Variants in AKR1C3 observed in about 807,000 individuals in gnomAD.
The protein encoded by AKR1C3 is 3-alpha hydroxysteroid dehydrogenase, type II.
AKR1C3 carries 48 observed loss-of-function variants against 43.6 expected under a neutral mutation model. The observed-to-expected ratio is 1.10, with a 90% CI of 0.87 to 1.40. The LOEUF (loss-of-function observed/expected upper bound fraction) is 1.40, where lower values mean the gene tolerates loss of function less well. Ranked by LOEUF, AKR1C3 falls within the 40% of genes most tolerant of loss-of-function variation. The pLI, the probability that AKR1C3 is intolerant of heterozygous loss-of-function variation, is 0.00. For missense variants in AKR1C3, 482 were observed against 391.2 expected, an observed-to-expected ratio of 1.23 and a Z score of -1.96; for synonymous variants, 162 against 139.6, an observed-to-expected ratio of 1.16 and a Z score of -1.13.
At chr10:5,059,746 C>T (rs992436006) in intron 1 of AKR1C3, among the ~76,000 whole-genome samples, 1 of 152,062 alleles carries the variant, frequency 6.6e-6, no homozygotes, top group Admixed American at 6.6e-5. Context: ...TGGCGATAGG[C>T]GATAGTCTCG....
At chr10:5,102,249 T>G in intron 6 of AKR1C3, 39 bp downstream of exon 6, 1 of 1,596,270 alleles carries the variant, frequency 6.3e-7, no homozygotes, top group Non-Finnish European at 8.6e-7. Context: ...AACCTTCATT[T>G]TGCAGAAAAT....
intron 1 of AKR1C3, among the ~76,000 whole-genome samples, chr10:5,073,844 TTGAAGG>T: frequency 1.3e-5 from 2 of 152,274 alleles, no homozygotes; most frequent in Middle Eastern, 3.4e-3. Flanking sequence ...CTTGTCTTGG[TTGAAGG>T]CAGAGTTGAG....
chr10:5,063,764 G>GAAAAAAAAAAAAAAAA lies in AKR1C3; in HGVS notation c.84+14869_84+14870insAAAAAAAAAAAAAAAA, dbSNP rs1406943359. 3.0e-4 allele frequency among the ~76,000 whole-genome samples: 10 copies of GAAAAAAAAAAAAAAAA among 33,430 alleles called. 1 individual carries two copies. Among genetic ancestry groups the GAAAAAAAAAAAAAAAA allele is most frequent in the East Asian group, 1.4e-3 (2 of 1,408 alleles). The allele number at this position is 33,430 out of a possible 152,430, so 21.9% of individuals were successfully genotyped here. On this transcript the variant is annotated intron_variant, in intron 1 of 8. Transcript: ENST00000439082. Reference sequence around the variant, plus strand: ...GAGGACAGAGGTAGTCTCTGTCTCAGCAAAAAAAAAAAAAAAAAAAAAAAA... The same window carrying GAAAAAAAAAAAAAAAA: ...GAGGACAGAGGTAGTCTCTGTCTCAGAAAAAAAAAAAAAAAACAAAAAAAAAAAAAAAAAAAAAAAA...
upstream of AKR1C3, chr10:5,094,354 G>T: frequency 2.2e-6 from 2 of 898,066 alleles, no homozygotes; most frequent in South Asian, 1.3e-5. Flanking sequence ...TCAGTTTGCA[G>T]GGGTGGGGGG....
exon 1 of AKR1C3, chr10:5,048,825 A>G: frequency 6.2e-7 from 1 of 1,613,876 alleles, no homozygotes; most frequent in Non-Finnish European, 8.5e-7. Flanking sequence ...GATTCAAAAC[A>G]TCAGTGTTTG....
intron 1 of AKR1C3, among the ~76,000 whole-genome samples, chr10:5,067,608 T>C (rs1838535477): frequency 1.3e-5 from 2 of 152,172 alleles, no homozygotes; most frequent in South Asian, 4.1e-4. Flanking sequence ...AAAGCTTTTA[T>C]ACAACCAGAA....
At chr10:5,062,852 GT>G (rs1200364115) in intron 1 of AKR1C3, among the ~76,000 whole-genome samples, 1 of 69,188 alleles carries the variant, frequency 1.4e-5, no homozygotes, top group African/African-American at 5.2e-5. Context: ...AGAACTCCTA[GT>G]TAAAAAAAAA....
chr10:5,096,261 C>T, intron 1 of AKR1C3, 149 bp from the exon 2 acceptor site: 1 of 925,692 alleles, frequency 1.1e-6, no homozygotes, highest in Non-Finnish European at 1.6e-6. Flanking sequence ...TATTACTAAC[C>T]AGGAAAGACT....
intron 4 of AKR1C3, 131 bp downstream of exon 4, chr10:5,099,010 G>T: frequency 1.1e-6 from 1 of 885,208 alleles, no homozygotes; most frequent in East Asian, 2.6e-5. Flanking sequence ...GAGTAGCTTT[G>T]GTGAGATGAA....
At chr10:5,088,171 C>T (rs936284296) in intron 1 of AKR1C3, among the ~76,000 whole-genome samples, 2 of 152,054 alleles carry the variant, frequency 1.3e-5, no homozygotes, top group East Asian at 3.9e-4. Flanking sequence ...TATTCAACTG[C>T]AGTCTGAAAA....
chr10:5,058,626 A>G (rs1554779875), intron 1 of AKR1C3, among the ~76,000 whole-genome samples: 1 of 152,178 alleles, frequency 6.6e-6, no homozygotes, highest in Non-Finnish European at 1.5e-5. Context: ...GTGCTCACCA[A>G]CGCAGCAGTG....
chr10:5,089,453 C>A (rs1839038986), upstream of AKR1C3, among the ~76,000 whole-genome samples: 1 of 151,928 alleles, frequency 6.6e-6, no homozygotes, highest in African/African-American at 2.4e-5. Context: ...CAATTATTTT[C>A]TTTTTTAAAT....
rs1838094239 is a variant in AKR1C3 at position 5,048,989 on chromosome 10, A to G, written c.84+94A>G. The G allele has an allele frequency of 3.3e-6, 3 of 904,434 alleles. No homozygotes were observed. In the African/African-American group the frequency reaches 4.9e-5, roughly 15 times the overall value. The allele number at this position is 904,434 out of a possible 1,614,324, so 56.0% of individuals were successfully genotyped here. A position where few individuals can be genotyped will look rare whatever the true frequency, so the allele number is the denominator to read the frequency against. On this transcript the variant is annotated intron_variant, in intron 1 of 8. Coordinates refer to the AKR1C3 transcript ENST00000439082. ...GTTGTCAGGTTTGTGTTCGTGTATTACTCTGCATGACTCCAACCTGAGTTT... is the reference window on the plus strand; with the variant it reads ...GTTGTCAGGTTTGTGTTCGTGTATTGCTCTGCATGACTCCAACCTGAGTTT...
At chr10:5,079,714 C>T (rs1554782172) in intron 1 of AKR1C3, among the ~76,000 whole-genome samples, 1 of 152,066 alleles carries the variant, frequency 6.6e-6, no homozygotes, top group Non-Finnish European at 1.5e-5. Context: ...TACCTGAGAC[C>T]CCACCTCCCC....
At chr10:5,063,734 C>G (rs1446129891) in intron 1 of AKR1C3, among the ~76,000 whole-genome samples, 2 of 109,254 alleles carry the variant, frequency 1.8e-5, no homozygotes, top group African/African-American at 7.0e-5. Context: ...CTGCAATCCA[C>G]CCTGGAGGAC....
intron 1 of AKR1C3, among the ~76,000 whole-genome samples, chr10:5,072,632 C>A (rs781937685): frequency 6.6e-6 from 1 of 152,180 alleles, no homozygotes; most frequent in Admixed American, 6.5e-5. Context: ...GGGCCCCTTA[C>A]TCCAAGCTAC....
At position 5,078,845 on chromosome 10, in the gene AKR1C3, G is replaced by T. The variant is rs115778922; in HGVS notation, c.85-17565G>T. ...TTTGCCTCAAGGTTAAATAAGACAA[G>T]AAGAGCTTCAGATGCCTGGTCTGCA... On this transcript the variant is annotated intron_variant, in intron 1 of 8. Coordinates refer to the AKR1C3 transcript ENST00000439082. 1.7e-3 allele frequency among the ~76,000 whole-genome samples: 258 copies of T among 152,352 alleles called. 1 individual carries two copies. The highest frequency in any genetic ancestry group is 5.9e-3 in the African/African-American group (247 of 41,586).
chr10:5,091,038 A>G (rs1035411923), upstream of AKR1C3, among the ~76,000 whole-genome samples: 3 of 152,112 alleles, frequency 2.0e-5, no homozygotes, highest in Non-Finnish European at 4.4e-5. Flanking sequence ...AAAGTGTAGG[A>G]TGAGAGTAAT....
intron 5 of AKR1C3, chr10:5,099,662 C>T (rs989145546): frequency 2.0e-5 from 16 of 804,502 alleles, no homozygotes; most frequent in East Asian, 5.9e-5. Context: ...AATGCTGAAT[C>T]GTGTGTAATA....
Sources: allele counts gnomAD v4.1 joint callset (sites outside exome capture counted in the v4.1 genomes callset), GRCh38; gene constraint gnomAD v4.1.1; transcripts MANE v1.5; gene names NCBI Gene and HGNC (gene_info 2026-07-23, HGNC 2026-07-21).